Variants in PDLIM5 observed in about 807,000 individuals in gnomAD.
PDLIM5 encodes the protein PDZ and LIM domain 5.
In PDLIM5, 34 loss-of-function variants were observed where a neutral mutation model predicts 64.2. That is an observed-to-expected ratio of 0.53 (90% CI 0.40 to 0.71). PDLIM5 has a LOEUF of 0.71. PDLIM5 is among the 30% of genes least tolerant of loss of function. The pLI is 0.00. For missense variants in PDLIM5, 683 were observed against 733.6 expected, an observed-to-expected ratio of 0.93 and a Z score of 0.80; for synonymous variants, 253 against 269.1, an observed-to-expected ratio of 0.94 and a Z score of 0.59.
chr4:94,579,597 A>ATTC, intron 5 of PDLIM5: 1 of 885,576 alleles, frequency 1.1e-6, no homozygotes, highest in Non-Finnish European at 1.7e-6. Flanking sequence ...AAACAGCATG[A>ATTC]ATGCCTGATT....
In PDLIM5 at chr4:94,523,785, T is replaced by C. The variant is rs768455760; in HGVS notation, c.158T>C (p.Ile53Thr). Residue 53 changes from isoleucine (I) to threonine (T), a missense_variant, in exon 3 of 13, where the codon ATT becomes ACT. By Grantham distance (89) the Ile-to-Thr change is moderately conservative. Transcript: ENST00000317968. ...NVRIGDVVLS[I>T]DGINAQGMTH... ...AGAATAGGCGATGTGGTTCTCAGCA[T>C]TGATGGAATAAATGCACAAGGAATG... 1 of 1,612,728 alleles carries C rather than the reference T, an allele frequency of 6.2e-7. No individual in the cohort carries two copies. The highest frequency in any genetic ancestry group is 1.3e-5 in the African/African-American group (1 of 74,878).
intron 2 of PDLIM5, among the ~76,000 whole-genome samples, chr4:94,468,414 G>A (rs563371198): frequency 6.6e-6 from 1 of 152,274 alleles, no homozygotes; most frequent in African/African-American, 2.4e-5. Context: ...TTACAAGAAT[G>A]AGCCACGGTG....
chr4:94,466,035 C>T (rs1439813160), intron 2 of PDLIM5, among the ~76,000 whole-genome samples: 1 of 151,976 alleles, frequency 6.6e-6, no homozygotes. Flanking sequence ...TGTCACAGCT[C>T]ACTACATCCT....
chr4:94,613,495 C>T (rs543651707), intron 7 of PDLIM5, among the ~76,000 whole-genome samples: 2 of 152,226 alleles, frequency 1.3e-5, no homozygotes, highest in South Asian at 4.1e-4. Context: ...TTTCGTTTTT[C>T]CTCATTAGCT....
At chr4:94,605,161 A>G (rs572568008) in intron 7 of PDLIM5, among the ~76,000 whole-genome samples, 5 of 152,210 alleles carry the variant, frequency 3.3e-5, no homozygotes, top group Non-Finnish European at 7.3e-5. Context: ...ACTGAGATTA[A>G]GGGAGGAGAT....
intron 9 of PDLIM5, among the ~76,000 whole-genome samples, chr4:94,653,037 C>T (rs1023977334): frequency 2.0e-5 from 3 of 152,044 alleles, no homozygotes; most frequent in Non-Finnish European, 4.4e-5. Context: ...TGTGACTTTG[C>T]GATACTCATT....
chr4:94,530,359 G>T (rs1730753244), intron 3 of PDLIM5, among the ~76,000 whole-genome samples: 1 of 151,986 alleles, frequency 6.6e-6, no homozygotes. Flanking sequence ...AACTGTGCCA[G>T]GTTAACAAAG....
At chr4:94,637,007 A>G (rs1031140188) in intron 8 of PDLIM5, among the ~76,000 whole-genome samples, 3 of 152,152 alleles carry the variant, frequency 2.0e-5, no homozygotes, top group African/African-American at 7.2e-5. Context: ...TGGGAAAACT[A>G]TGAGTAGCAG....
chr4:94,482,974 T>C (rs1726006090), intron 2 of PDLIM5, among the ~76,000 whole-genome samples: 1 of 152,200 alleles, frequency 6.6e-6, no homozygotes, highest in Admixed American at 6.5e-5. Flanking sequence ...TTATTAACTC[T>C]TTTTTATTCC....
chr4:94,586,685 G>A (rs1736234706), intron 7 of PDLIM5, among the ~76,000 whole-genome samples: 1 of 152,090 alleles, frequency 6.6e-6, no homozygotes, highest in Non-Finnish European at 1.5e-5. Flanking sequence ...TGGGCAGAAG[G>A]GTATATTTCG....
rs1743134827 is a variant in PDLIM5 at position 94,667,532 on chromosome 4, T to G, written c.*3465T>G. On this transcript the variant is annotated 3_prime_UTR_variant, in exon 13 of 13. Coordinates refer to ENST00000317968, the MANE Select transcript of PDLIM5 (RefSeq NM_006457.5). The stretch of plus-strand genomic sequence containing the variant: ...TATGGTAGGATGTGCATAGGTTATA[T>G]GCAAATACTACACCATTTTCTATAA... 1 of 152,196 alleles carries G rather than the reference T, an allele frequency of 6.6e-6. No individual in the cohort carries two copies. The highest frequency in any genetic ancestry group is 6.5e-5 in the Admixed American group (1 of 15,284). The allele number at this position is 152,196 out of a possible 1,614,324, so 9.4% of individuals were successfully genotyped here. A position where few individuals can be genotyped will look rare whatever the true frequency, so the allele number is the denominator to read the frequency against.
chr4:94,635,568 A>G (rs1252793285), intron 8 of PDLIM5, among the ~76,000 whole-genome samples: 1 of 152,194 alleles, frequency 6.6e-6, no homozygotes, highest in Non-Finnish European at 1.5e-5. Context: ...AATGGGTTCA[A>G]TGCATTTGGA....
intron 9 of PDLIM5, among the ~76,000 whole-genome samples, chr4:94,646,913 G>C (rs1360237973): frequency 6.6e-6 from 1 of 152,024 alleles, no homozygotes; most frequent in Non-Finnish European, 1.5e-5. Context: ...TTTTCCCTGG[G>C]TATATTCTTA....
intron 2 of PDLIM5, among the ~76,000 whole-genome samples, chr4:94,497,407 A>C (rs1400080748): frequency 6.6e-6 from 1 of 152,210 alleles, no homozygotes; most frequent in African/African-American, 2.4e-5. Context: ...TAATTCAGAC[A>C]CCTAATATAA....
At chr4:94,578,353 C>T (rs1369443286) in intron 5 of PDLIM5, among the ~76,000 whole-genome samples, 1 of 152,150 alleles carries the variant, frequency 6.6e-6, no homozygotes, top group African/African-American at 2.4e-5. Context: ...GTTTATTAAG[C>T]ACATGCCTGC....
chr4:94,662,767 A>G (rs1281550399), intron 12 of PDLIM5, among the ~76,000 whole-genome samples: 3 of 151,800 alleles, frequency 2.0e-5, no homozygotes, highest in Admixed American at 6.6e-5. Flanking sequence ...ATTTTAATAT[A>G]TTTTTGTCTA....
intron 2 of PDLIM5, among the ~76,000 whole-genome samples, chr4:94,517,110 T>A (rs1470888589): frequency 6.6e-6 from 1 of 152,192 alleles, no homozygotes; most frequent in Non-Finnish European, 1.5e-5. Context: ...TCTGCTCACT[T>A]TACTAGTCCC....
chr4:94,462,664 T>C (rs746180555), intron 2 of PDLIM5, among the ~76,000 whole-genome samples: 2 of 152,208 alleles, frequency 1.3e-5, no homozygotes, highest in Non-Finnish European at 2.9e-5. Flanking sequence ...TATTTGTATA[T>C]TTGTCACATA....
At chr4:94,568,617 G>A (rs1247064707) in intron 3 of PDLIM5, among the ~76,000 whole-genome samples, 1 of 151,352 alleles carries the variant, frequency 6.6e-6, no homozygotes, top group Non-Finnish European at 1.5e-5. Context: ...GTGTGGACAT[G>A]AGGCACAATG....
Sources: allele counts gnomAD v4.1 joint callset (sites outside exome capture counted in the v4.1 genomes callset), GRCh38; gene constraint gnomAD v4.1.1; transcripts MANE v1.5; gene names NCBI Gene and HGNC (gene_info 2026-07-23, HGNC 2026-07-21).